VTI1B: variants seen among roughly 807,000 people sequenced by gnomAD.
VTI1B encodes vesicle transport through interaction with t-SNAREs 1B.
Under a neutral mutation model 28.6 loss-of-function variants are expected in VTI1B, and 18 were observed. That is an observed-to-expected ratio of 0.63 (90% confidence interval 0.43 to 0.93). The LOEUF (loss-of-function observed/expected upper bound fraction) is 0.93, where lower values mean the gene tolerates loss of function less well. Ranked by LOEUF, VTI1B falls within the 40% of genes least tolerant of loss-of-function variation. The pLI is 0.00. For synonymous variants in VTI1B, 100 were observed against 107.9 expected, an observed-to-expected ratio of 0.93 and a Z score of 0.46; for missense variants, 283 against 297.0, an observed-to-expected ratio of 0.95 and a Z score of 0.35.
At position 67,648,123 on chromosome 14, in the gene VTI1B, G is replaced by A; in HGVS notation, c.*3262C>T. 1.9e-6 allele frequency: 3 copies of A among 1,614,046 alleles called. No individual in the cohort carries two copies. Among genetic ancestry groups the A allele is most frequent in the Non-Finnish European group, 2.5e-6 (3 of 1,179,942 alleles). The stretch of plus-strand genomic sequence containing the variant: ...ACTGGCTCCAGCCACAGGAACTCCT[G>A]TTGTCGGGGGACTAACCTATCGAGA... On this transcript the variant is annotated 3_prime_UTR_variant, in exon 6 of 6. Coordinates refer to ENST00000554659, the MANE Select transcript of VTI1B (RefSeq NM_006370.3).
rs144324015 is a variant in VTI1B, at chr14:67,649,419, T to C, written c.*1966A>G. On this transcript the variant is annotated 3_prime_UTR_variant, in exon 6 of 6. Transcript: ENST00000554659. ...AGGTTGAGGCTGCAGTGAGCCATGA[T>C]TGTGCCACTGCACTGTTATAATGCT... 13 of 152,290 alleles carry C rather than the reference T, an allele frequency of 8.5e-5. No homozygotes were observed. The East Asian group carries it at 1.5e-3, about 18-fold the overall frequency. 9.4% of individuals were successfully genotyped at this position (152,290 alleles called of 1,614,324 possible).
chr14:67,651,742 T>A, intron 5 of VTI1B: 2 of 302,704 alleles, frequency 6.6e-6, no homozygotes, highest in East Asian at 1.6e-4. Flanking sequence ...TAGTAGTTAC[T>A]TCCTTTAAAA....
intron 3 of VTI1B, among the ~76,000 whole-genome samples, chr14:67,657,464 A>G: frequency 6.6e-6 from 1 of 152,178 alleles, no homozygotes; most frequent in Non-Finnish European, 1.5e-5. Context: ...TCCCCACCGA[A>G]GTTTTACTCC....
At chr14:67,651,584 GTA>G in intron 5 of VTI1B, 103 bp from the exon 6 acceptor site, 2 of 1,322,784 alleles carry the variant, frequency 1.5e-6, no homozygotes, top group Middle Eastern at 1.9e-4. Context: ...CTCTGAGGCT[GTA>G]TGTTTGATCA....
chr14:67,650,988 G>A lies in VTI1B; in HGVS notation c.*397C>T. 2.1e-6 allele frequency: 3 copies of A among 1,462,712 alleles called. No individual in the cohort carries two copies. The highest frequency in any genetic ancestry group is 2.8e-6 in the Non-Finnish European group (3 of 1,055,968). The allele number at this position is 1,462,712 out of a possible 1,614,324, so 90.6% of individuals were successfully genotyped here. A position where few individuals can be genotyped will look rare whatever the true frequency, so the allele number is the denominator to read the frequency against. On this transcript the variant is annotated 3_prime_UTR_variant, in exon 6 of 6. Coordinates refer to ENST00000554659, the MANE Select transcript of VTI1B (RefSeq NM_006370.3). ...ATTATGAGGCATTGAGGGGATAGATGAATACTAAATGGTTGTCTGGGTCAA... is the reference window on the plus strand; with the variant it reads ...ATTATGAGGCATTGAGGGGATAGATAAATACTAAATGGTTGTCTGGGTCAA...
At chr14:67,652,266 T>A (rs893472644) in intron 5 of VTI1B, 1 of 152,384 alleles carries the variant, frequency 6.6e-6, no homozygotes, top group African/African-American at 2.4e-5. Context: ...TTAGTACAAT[T>A]CAAATATTGT....
Position 67,648,300 on chromosome 14 carries a change from A to G in VTI1B, c.*3085T>C. 8.2e-7 allele frequency: 1 copy of G among 1,216,640 alleles called. No homozygotes were observed. Among genetic ancestry groups the G allele is most frequent in the East Asian group, 2.5e-5 (1 of 39,998 alleles). The allele number at this position is 1,216,640 out of a possible 1,614,324, so 75.4% of individuals were successfully genotyped here. ...TCATTGCAGAGTTTGTTTTTGCTTAAACTTTTGTAGCTAAAAATTATATGG... is the reference window on the plus strand; with the variant it reads ...TCATTGCAGAGTTTGTTTTTGCTTAGACTTTTGTAGCTAAAAATTATATGG... On this transcript the variant is annotated 3_prime_UTR_variant, in exon 6 of 6. Coordinates refer to ENST00000554659, the MANE Select transcript of VTI1B (RefSeq NM_006370.3).
rs577053424 is a variant in VTI1B at position 67,663,605 on chromosome 14, C to T, written c.116-1070G>A. ...AGGAGAATGGTGTGAACCCAGGAGG[C>T]GGAGCTTGCAGTGAGCCAAGATTGT... On this transcript the variant is annotated intron_variant, in intron 1 of 5. Transcript: ENST00000554659. 3.8e-4 allele frequency among the ~76,000 whole-genome samples: 57 copies of T among 150,918 alleles called. 1 individual carries two copies. The highest frequency in any genetic ancestry group is 2.3e-3 in the Admixed American group (34 of 15,060).
Position 67,674,500 on chromosome 14 carries a change from G to GATA in VTI1B, c.-12_-11insTAT. 6.3e-7 allele frequency: 1 copy of GATA among 1,584,708 alleles called. No homozygotes were observed. The highest frequency in any genetic ancestry group is 8.6e-7 in the Non-Finnish European group (1 of 1,167,508). On this transcript the variant is annotated 5_prime_UTR_variant, in exon 1 of 6. Transcript: ENST00000554659. ...GGCGGAGGAGGCCATGGCGCAGGCC[G>GATA]CGCTGGAGCAGCGGCCACCGAGATT...
intron 1 of VTI1B, chr14:67,663,306 T>C (rs2037362020): frequency 6.0e-6 from 4 of 662,628 alleles, no homozygotes; most frequent in Admixed American, 3.4e-5. Context: ...TAAAATATGA[T>C]AGCAAGTTTC....
intron 1 of VTI1B, among the ~76,000 whole-genome samples, chr14:67,663,852 C>T (rs1458844312): frequency 6.6e-6 from 1 of 152,110 alleles, no homozygotes; most frequent in African/African-American, 2.4e-5. Flanking sequence ...CAGGTTCGGG[C>T]CTGCCTCAGC....
intron 1 of VTI1B, among the ~76,000 whole-genome samples, chr14:67,667,473 C>T (rs996213776): frequency 6.6e-6 from 1 of 152,046 alleles, no homozygotes; most frequent in Admixed American, 6.6e-5. Context: ...CAAATAGGGA[C>T]TATAAGACTA....
chr14:67,661,848 T>C (rs958693824), intron 2 of VTI1B, among the ~76,000 whole-genome samples: 2 of 152,190 alleles, frequency 1.3e-5, no homozygotes, highest in Non-Finnish European at 2.9e-5. Flanking sequence ...CCTATCTTAA[T>C]GGCCAGCTCT....
chr14:67,662,521 ATTTCTTCT>A lies in VTI1B; in HGVS notation c.122_129del (p.Lys41IlefsTer6). 1 of 1,611,360 alleles carries A rather than the reference ATTTCTTCT, an allele frequency of 6.2e-7. No homozygotes were observed. Among genetic ancestry groups the A allele is most frequent in the Non-Finnish European group, 8.5e-7 (1 of 1,179,212 alleles). On this transcript the variant is annotated frameshift_variant, in exon 2 of 6. Transcript: ENST00000554659. LOFTEE classifies it high-confidence loss of function. The stretch of plus-strand genomic sequence containing the variant: ...TGCTTTTCATCAAAATCCCTGATCA[ATTTCTTCT>A]TTTCTTCTAGAAAAGATAGATAAGT...
At chr14:67,656,258 A>C (rs1423524334) in intron 4 of VTI1B, among the ~76,000 whole-genome samples, 158 bp downstream of exon 4, 1 of 152,008 alleles carries the variant, frequency 6.6e-6, no homozygotes, top group Non-Finnish European at 1.5e-5. Flanking sequence ...AAAAAAAAAA[A>C]AAATTAATAA....
At chr14:67,665,769 ATTG>A (rs1191369749) in intron 1 of VTI1B, among the ~76,000 whole-genome samples, 1 of 152,122 alleles carries the variant, frequency 6.6e-6, no homozygotes, top group East Asian at 1.9e-4. Context: ...TGTCTCATTC[ATTG>A]TTGTGTGCCA....
In VTI1B at chr14:67,674,467, G is replaced by A; in HGVS notation, c.23C>T (p.Ser8Leu). 1.2e-6 allele frequency: 2 copies of A among 1,607,666 alleles called. No homozygotes were observed. Among genetic ancestry groups the A allele is most frequent in the Non-Finnish European group, 1.7e-6 (2 of 1,178,146 alleles). MASSAASSEHFEKLHEIF... is the reference protein window; with the variant it reads MASSAASLEHFEKLHEIF... ...CTCGTGCAGCTTCTCGAAATGCTCC[G>A]AGGAGGCGGCGGAGGAGGCCATGGC... The change falls in exon 1 of 6, where the codon TCG becomes TTG. Residue 8 changes from serine to leucine, a missense_variant. Coordinates refer to ENST00000554659, the MANE Select transcript of VTI1B (RefSeq NM_006370.3).
chr14:67,660,741 T>C (rs1400086686), intron 2 of VTI1B, among the ~76,000 whole-genome samples: 1 of 152,170 alleles, frequency 6.6e-6, no homozygotes, highest in Non-Finnish European at 1.5e-5. Context: ...CCTAAATTAT[T>C]TTCATCTGCC....
At chr14:67,665,326 C>T (rs1284995011) in intron 1 of VTI1B, among the ~76,000 whole-genome samples, 1 of 146,640 alleles carries the variant, frequency 6.8e-6, no homozygotes, top group East Asian at 2.0e-4. Context: ...TTACGGCTCA[C>T]TGCAGCCTCG....
Sources: allele counts gnomAD v4.1 joint callset (sites outside exome capture counted in the v4.1 genomes callset), GRCh38; gene constraint gnomAD v4.1.1; transcripts MANE v1.5; gene names NCBI Gene and HGNC (gene_info 2026-07-23, HGNC 2026-07-21).